The following KCNT2 variants were observed in gnomAD, a reference collection of about 807,000 sequenced individuals.
KCNT2 encodes potassium sodium-activated channel subfamily T member 2.
Under a neutral mutation model 153.8 loss-of-function variants are expected in KCNT2, and 67 were observed. The ratio of observed to expected loss-of-function variants is 0.44; its 90% CI spans 0.36 to 0.53. KCNT2 has a LOEUF of 0.53. KCNT2 is among the 20% of genes least tolerant of loss of function. The pLI, the probability that KCNT2 is intolerant of heterozygous loss-of-function variation, is 0.00. For missense variants in KCNT2, 975 were observed against 1,354.8 expected, an observed-to-expected ratio of 0.72 and a Z score of 4.40; for synonymous variants, 500 against 458.8, an observed-to-expected ratio of 1.09 and a Z score of -1.15.
chr1:196,461,148 T>C (rs944936980), intron 8 of KCNT2, among the ~76,000 whole-genome samples: 1 of 151,774 alleles, frequency 6.6e-6, no homozygotes, highest in Non-Finnish European at 1.5e-5. Flanking sequence ...ACTTCCCAAG[T>C]AGCTATTTGC....
intron 22 of KCNT2, among the ~76,000 whole-genome samples, chr1:196,288,768 T>G (rs1659910275): frequency 6.6e-6 from 1 of 152,012 alleles, no homozygotes; most frequent in Non-Finnish European, 1.5e-5. Flanking sequence ...AAATAGAAAG[T>G]GTGGAGGAAG....
At chr1:196,516,258 C>T (rs1220026672) in intron 1 of KCNT2, among the ~76,000 whole-genome samples, 1 of 152,128 alleles carries the variant, frequency 6.6e-6, no homozygotes, top group Admixed American at 6.5e-5. Flanking sequence ...ACCATCTTTG[C>T]TGTTTTATAA....
At chr1:196,558,069 G>A (rs1025763118) in intron 1 of KCNT2, among the ~76,000 whole-genome samples, 6 of 151,366 alleles carry the variant, frequency 4.0e-5, no homozygotes, top group Non-Finnish European at 8.9e-5. Context: ...CAAAGTGGAT[G>A]AGGTACACTT....
chr1:196,602,489 T>TAA (rs972160610), intron 1 of KCNT2, among the ~76,000 whole-genome samples: 4 of 152,158 alleles, frequency 2.6e-5, no homozygotes, highest in African/African-American at 9.7e-5. Flanking sequence ...CCCAGGGAAA[T>TAA]GATTAAGTCA....
At chr1:196,320,567 C>T (rs2147468) in intron 19 of KCNT2, among the ~76,000 whole-genome samples, 8 of 151,684 alleles carry the variant, frequency 5.3e-5, no homozygotes, top group African/African-American at 1.2e-4. Flanking sequence ...GAAGAAAATT[C>T]TAGGCCAAGA....
intron 22 of KCNT2, among the ~76,000 whole-genome samples, chr1:196,301,601 A>G (rs1661189894): frequency 6.6e-6 from 1 of 152,202 alleles, no homozygotes; most frequent in African/African-American, 2.4e-5. Flanking sequence ...ACAAAAGTAA[A>G]GTAATTGGGA....
chr1:196,248,361 T>C (rs1182408882), intron 26 of KCNT2, among the ~76,000 whole-genome samples: 1 of 151,926 alleles, frequency 6.6e-6, no homozygotes, highest in African/African-American at 2.4e-5. Context: ...AAAGAAAAAG[T>C]TGTTTTTTGA....
intron 16 of KCNT2, among the ~76,000 whole-genome samples, chr1:196,334,638 G>A (rs939798678): frequency 8.6e-5 from 13 of 150,514 alleles, no homozygotes; most frequent in South Asian, 2.1e-4. Context: ...TTAAAATATC[G>A]GAACTACTAA....
chr1:196,373,596 A>G (rs574191799), intron 13 of KCNT2, among the ~76,000 whole-genome samples: 27 of 151,892 alleles, frequency 1.8e-4, no homozygotes, highest in Non-Finnish European at 3.1e-4. Context: ...TATTTCAAAT[A>G]CTTTATAAAG....
intron 22 of KCNT2, among the ~76,000 whole-genome samples, chr1:196,300,755 T>C (rs1324732048): frequency 6.6e-6 from 1 of 152,184 alleles, no homozygotes; most frequent in African/African-American, 2.4e-5. Context: ...GTTCAATACA[T>C]TTGTTATATT....
chr1:196,358,765 A>G (rs1667380509), intron 14 of KCNT2, among the ~76,000 whole-genome samples: 1 of 151,970 alleles, frequency 6.6e-6, no homozygotes, highest in South Asian at 2.1e-4. Context: ...TTTCAGTACA[A>G]CAGAACAGAA....
chr1:196,515,274 T>G (rs1681955753), intron 1 of KCNT2, among the ~76,000 whole-genome samples: 1 of 152,192 alleles, frequency 6.6e-6, no homozygotes, highest in Non-Finnish European at 1.5e-5. Context: ...GACTGCCACC[T>G]TGCATTGTTA....
Position 196,429,646 on chromosome 1 carries a change from A to G in KCNT2, c.750T>C (p.Pro250=), listed in dbSNP as rs781404030. The G allele has an allele frequency of 6.2e-7, 1 of 1,613,028 alleles. No individual in the cohort carries two copies. The highest frequency in any genetic ancestry group is 8.5e-7 in the Non-Finnish European group (1 of 1,179,320). Reference sequence around the variant, plus strand: ...CAAAAAGCTTGGAGGACCATGTTTCAGGAGTGACATCCCCGAAGCCCACAG... The same window carrying G: ...CAAAAAGCTTGGAGGACCATGTTTCGGGAGTGACATCCCCGAAGCCCACAG... The part of the protein sequence containing the change: ...FSTVGFGDVT[P]ETWSSKLFVV... Residue 250 remains proline (P), a synonymous_variant, in exon 9 of 28, where the codon CCT becomes CCC. Coordinates refer to ENST00000294725, the MANE Select transcript of KCNT2 (RefSeq NM_198503.5).
chr1:196,248,648 A>G (rs903883557), intron 26 of KCNT2, among the ~76,000 whole-genome samples: 1 of 152,178 alleles, frequency 6.6e-6, no homozygotes, highest in Non-Finnish European at 1.5e-5. Flanking sequence ...CATGAAAGCC[A>G]TAATAAGAAA....
chr1:196,248,054 T>C (rs1428404496), intron 26 of KCNT2, among the ~76,000 whole-genome samples: 1 of 152,106 alleles, frequency 6.6e-6, no homozygotes, highest in Non-Finnish European at 1.5e-5. Context: ...GACCAATGGC[T>C]CAATGAAGAT....
chr1:196,458,943 G>A (rs1197210088), intron 8 of KCNT2, among the ~76,000 whole-genome samples: 3 of 151,772 alleles, frequency 2.0e-5, no homozygotes, highest in Non-Finnish European at 2.9e-5. Flanking sequence ...TCAAACATTA[G>A]CATTCAAATC....
chr1:196,271,622 T>C (rs538747106), intron 25 of KCNT2, among the ~76,000 whole-genome samples: 27 of 151,886 alleles, frequency 1.8e-4, no homozygotes, highest in Admixed American at 1.3e-3. Flanking sequence ...AACTAGAAAA[T>C]ATTAGGAAAA....
intron 26 of KCNT2, among the ~76,000 whole-genome samples, chr1:196,245,042 A>G (rs1173335572): frequency 6.6e-6 from 1 of 152,134 alleles, no homozygotes; most frequent in South Asian, 2.1e-4. Flanking sequence ...AAAAAGAACA[A>G]GAGTCTCTGC....
chr1:196,447,954 A>G (rs1291647910), intron 8 of KCNT2, among the ~76,000 whole-genome samples: 1 of 151,254 alleles, frequency 6.6e-6, no homozygotes, highest in African/African-American at 2.4e-5. Context: ...AAAGAGAATG[A>G]TATTAGGAAA....
Sources: gnomAD v4.1 joint callset for allele counts (sites outside exome capture counted in the v4.1 genomes callset) on GRCh38, gnomAD v4.1.1 for gene constraint, MANE v1.5 for transcripts, NCBI Gene and HGNC (gene_info 2026-07-23, HGNC 2026-07-21) for gene names.